OCA2: variants seen among roughly 807,000 people sequenced by gnomAD.
OCA2 encodes the protein P protein.
In OCA2, 77 loss-of-function variants were observed where a neutral mutation model predicts 100.2. The ratio of observed to expected loss-of-function variants is 0.77; its 90% CI spans 0.64 to 0.93. OCA2 has a LOEUF of 0.93. Among genes scored for constraint, OCA2 ranks in the 40% least tolerant of loss-of-function variants. OCA2 has a pLI of 0.00. For synonymous variants in OCA2, 432 were observed against 439.2 expected (o/e 0.98, Z 0.21); for missense variants, 1,062 against 1,089.1 (o/e 0.98, Z 0.35).
intron 19 of OCA2, among the ~76,000 whole-genome samples, chr15:27,915,753 T>C (rs2038642533): frequency 1.3e-5 from 2 of 152,196 alleles, no homozygotes; most frequent in Admixed American, 1.3e-4. Flanking sequence ...CTGCTGATTC[T>C]GCTGATTAGA....
chr15:28,075,125 T>C (rs2044390803), intron 2 of OCA2, among the ~76,000 whole-genome samples: 1 of 152,160 alleles, frequency 6.6e-6, no homozygotes, highest in Non-Finnish European at 1.5e-5. Flanking sequence ...ATTTCTTAGA[T>C]ACAACACCAA....
At chr15:28,094,557 T>G (rs961985527) in intron 1 of OCA2, among the ~76,000 whole-genome samples, 9 of 152,230 alleles carry the variant, frequency 5.9e-5, no homozygotes, top group Non-Finnish European at 1.2e-4. Context: ...TAGTTGTGGC[T>G]TATTTTTAGA....
chr15:27,989,528 C>G (rs1193892428), intron 11 of OCA2, 73 bp downstream of exon 11: 1 of 1,218,682 alleles, frequency 8.2e-7, no homozygotes, highest in African/African-American at 1.5e-5. Context: ...GAAGGACCCT[C>G]AGCGGTGGAG....
At chr15:27,854,668 G>C (rs1308777831) in intron 21 of OCA2, among the ~76,000 whole-genome samples, 1 of 152,194 alleles carries the variant, frequency 6.6e-6, no homozygotes, top group Non-Finnish European at 1.5e-5. Flanking sequence ...CTTTAGACTT[G>C]ATGTCTTCGT....
intron 9 of OCA2, among the ~76,000 whole-genome samples, chr15:28,000,204 T>G (rs977983880): frequency 2.0e-5 from 3 of 152,132 alleles, no homozygotes; most frequent in African/African-American, 7.2e-5. Flanking sequence ...CTTCCTGATA[T>G]CAAACTATAT....
intron 14 of OCA2, among the ~76,000 whole-genome samples, chr15:27,977,838 CCACAT>C (rs2041019439): frequency 6.6e-6 from 1 of 152,136 alleles, no homozygotes; most frequent in African/African-American, 2.4e-5. Flanking sequence ...CGCCTCCCTG[CCACAT>C]GAGGACACAG....
At chr15:27,984,074 C>T (rs2041260521) in intron 13 of OCA2, among the ~76,000 whole-genome samples, 1 of 151,376 alleles carries the variant, frequency 6.6e-6, no homozygotes, top group Non-Finnish European at 1.5e-5. Context: ...CTAGGATAAC[C>T]ATCCCCTTAA....
chr15:28,030,771 C>T (rs1057449788), intron 3 of OCA2, among the ~76,000 whole-genome samples: 4 of 152,136 alleles, frequency 2.6e-5, no homozygotes, highest in Non-Finnish European at 4.4e-5. Context: ...AAGGAGAATC[C>T]ATGATGTGCA....
rs1275740828 is a variant in OCA2 at position 28,024,761 on chromosome 15, C to A, written c.573+84G>T. ...GAGGGCCAGGCACTGAGCCCCACAC[C>A]TCAGGTTCCCCCTGCTATACAGCCA... On this transcript the variant is annotated intron_variant, in intron 5 of 23. Coordinates refer to ENST00000354638, the MANE Select transcript of OCA2 (RefSeq NM_000275.3). 11 of 1,415,056 alleles carry A rather than the reference C, an allele frequency of 7.8e-6. No individual in the cohort carries two copies. The East Asian group carries it at 2.5e-4, about 32-fold the overall frequency. 87.7% of individuals were successfully genotyped at this position (1,415,056 alleles called of 1,614,324 possible).
intron 23 of OCA2, among the ~76,000 whole-genome samples, chr15:27,824,602 C>CTATATATATATA (rs142689690): frequency 7.4e-4 from 35 of 47,504 alleles, no homozygotes; most frequent in South Asian, 1.5e-3. Flanking sequence ...CTCTCTCTCT[C>CTATATATATATA]TATATATATA....
intron 22 of OCA2, among the ~76,000 whole-genome samples, chr15:27,848,698 G>A (rs1400623901): frequency 6.6e-6 from 1 of 152,232 alleles, no homozygotes; most frequent in Non-Finnish European, 1.5e-5. Flanking sequence ...TCCTGTGTCT[G>A]CAGTATACAT....
chr15:28,009,264 G>A (rs890340670), intron 9 of OCA2, among the ~76,000 whole-genome samples: 2 of 152,138 alleles, frequency 1.3e-5, no homozygotes, highest in South Asian at 4.1e-4. Context: ...TTCACAAGTT[G>A]TTGCTTAGAC....
chr15:27,745,393 T>C, the OCA2 span, among the ~76,000 whole-genome samples: 2 of 152,186 alleles, frequency 1.3e-5, no homozygotes, highest in African/African-American at 4.8e-5. Flanking sequence ...TAGGAATGCC[T>C]TTATTCTCAA....
chr15:27,825,334 G>A (rs192448515), intron 23 of OCA2, among the ~76,000 whole-genome samples: 72 of 152,278 alleles, frequency 4.7e-4, no homozygotes, highest in African/African-American at 1.7e-3. Context: ...CCATCCTGAA[G>A]GGCTCCCCCC....
rs189477218 is a variant in OCA2, at chr15:27,913,943, A to G, written c.2079+12184T>C. On this transcript the variant is annotated intron_variant, in intron 19 of 23. Coordinates refer to ENST00000354638, the MANE Select transcript of OCA2 (RefSeq NM_000275.3). The stretch of plus-strand genomic sequence containing the variant: ...AGCAAGCAAGCAAGAAAGAAAGAAA[A>G]AAATTTCAGGCCAATATCCCTGATG... Among the ~76,000 whole-genome samples, 19 of 147,790 alleles carry G rather than the reference A, an allele frequency of 1.3e-4. 2 individuals carry two copies. The highest frequency in any genetic ancestry group is 4.1e-4 in the Admixed American group (6 of 14,712).
intron 18 of OCA2, among the ~76,000 whole-genome samples, chr15:27,933,393 T>C (rs1244144114): frequency 1.4e-5 from 2 of 143,920 alleles, no homozygotes; most frequent in African/African-American, 5.1e-5. Context: ...TGAAATGGAG[T>C]CATTGCTTAA....
chr15:27,722,080 T>C, the OCA2 span, among the ~76,000 whole-genome samples: 2 of 152,248 alleles, frequency 1.3e-5, no homozygotes, highest in African/African-American at 4.8e-5. Flanking sequence ...AATGAACTTA[T>C]TCAGCATAAT....
intron 1 of OCA2, among the ~76,000 whole-genome samples, chr15:28,092,996 CAAAA>C (rs370198894): frequency 6.8e-6 from 1 of 146,062 alleles, no homozygotes; most frequent in Non-Finnish European, 1.5e-5. Context: ...CAAAAGTAAA[CAAAA>C]AAAAAAGTAA....
At chr15:27,772,462 A>G (rs773381076) in intron 23 of OCA2, among the ~76,000 whole-genome samples, 25 of 152,220 alleles carry the variant, frequency 1.6e-4, no homozygotes, top group Non-Finnish European at 2.6e-4. Flanking sequence ...CAGTTAGGAA[A>G]TCATTGAGAT....
Sources: allele counts gnomAD v4.1 joint callset (sites outside exome capture counted in the v4.1 genomes callset), GRCh38; gene constraint gnomAD v4.1.1; transcripts MANE v1.5; gene names NCBI Gene and HGNC (gene_info 2026-07-23, HGNC 2026-07-21).